Variants in STAG1 observed in about 807,000 individuals in gnomAD.
STAG1 encodes cohesin subunit SA-1.
STAG1 carries 26 observed loss-of-function variants against 170.9 expected under a neutral mutation model. The observed-to-expected ratio is 0.15, with a 90% CI of 0.11 to 0.21. STAG1 has a LOEUF of 0.21. STAG1 is among the 10% of genes least tolerant of loss of function. The probability of loss-of-function intolerance (pLI) is 1.00; values close to 1 mark genes in which losing one functional copy is unlikely to be tolerated. For synonymous variants in STAG1, 514 were observed against 497.7 expected (o/e 1.03, Z -0.44); for missense variants, 964 against 1,509.5 (o/e 0.64, Z 5.99).
At chr3:136,705,663 T>C (rs1435118302) in intron 1 of STAG1, among the ~76,000 whole-genome samples, 1 of 152,146 alleles carries the variant, frequency 6.6e-6, no homozygotes, top group Admixed American at 6.5e-5. Flanking sequence ...GCACATGCTC[T>C]CTTTGCCTAT....
At chr3:136,397,996 G>C (rs1429426843) in intron 22 of STAG1, among the ~76,000 whole-genome samples, 1 of 151,974 alleles carries the variant, frequency 6.6e-6, no homozygotes, top group Non-Finnish European at 1.5e-5. Flanking sequence ...GCCCAGGCTG[G>C]AGTACAATGG....
chr3:136,663,017 C>T (rs1331406847), intron 1 of STAG1, among the ~76,000 whole-genome samples: 2 of 151,978 alleles, frequency 1.3e-5, no homozygotes, highest in Non-Finnish European at 2.9e-5. Flanking sequence ...CATCACTGCA[C>T]TTCCAGTCTG....
At chr3:136,487,279 T>A (rs2090036914) in intron 9 of STAG1, among the ~76,000 whole-genome samples, 1 of 152,182 alleles carries the variant, frequency 6.6e-6, no homozygotes, top group Non-Finnish European at 1.5e-5. Flanking sequence ...GGCTTCCAGC[T>A]TCATCCATGT....
At chr3:136,370,385 G>A (rs1937266712) in intron 23 of STAG1, among the ~76,000 whole-genome samples, 1 of 151,974 alleles carries the variant, frequency 6.6e-6, no homozygotes, top group Admixed American at 6.6e-5. Flanking sequence ...TATACTTTAA[G>A]TTTTAGGGTA....
rs533687990 is a variant in STAG1 at position 136,466,300 on chromosome 3, G to A, written c.1206-1312C>T. On this transcript the variant is annotated intron_variant, in intron 12 of 33. Coordinates refer to ENST00000383202, the MANE Select transcript of STAG1 (RefSeq NM_005862.3). ...TAACTAGAATAACCAGCGTAGAGAA[G>A]TCCTTAAATGACCTGATGGAGCTGA... Among the ~76,000 whole-genome samples the A allele has an allele frequency of 5.3e-5, 8 of 152,306 alleles. No individual in the cohort carries two copies. The South Asian group carries it at 1.7e-3, about 32-fold the overall frequency.
At chr3:136,350,481 C>T (rs1251971875) in intron 28 of STAG1, among the ~76,000 whole-genome samples, 1 of 152,184 alleles carries the variant, frequency 6.6e-6, no homozygotes, top group Non-Finnish European at 1.5e-5. Context: ...CTGGGCACAG[C>T]AGGCTGAGAA....
chr3:136,566,737 A>T (rs1350386426), intron 5 of STAG1, among the ~76,000 whole-genome samples: 1 of 152,208 alleles, frequency 6.6e-6, no homozygotes, highest in Non-Finnish European at 1.5e-5. Flanking sequence ...ATAATAACAA[A>T]TGCATTTACC....
At position 136,430,806 on chromosome 3, in the gene STAG1, G is replaced by GACACACACACAC. The variant is rs35492621; in HGVS notation, c.1650+2738_1650+2749dup. On this transcript the variant is annotated intron_variant, in intron 16 of 33. Coordinates refer to ENST00000383202, the MANE Select transcript of STAG1 (RefSeq NM_005862.3). Reference sequence around the variant, plus strand: ...TAAGAGAAGGAAACAGACATAGACAGACACACACACACACACACACACACA... The same window carrying GACACACACACAC: ...TAAGAGAAGGAAACAGACATAGACAGACACACACACACACACACACACACACACACACACACA... 4.9e-3 allele frequency among the ~76,000 whole-genome samples: 642 copies of GACACACACACAC among 131,132 alleles called. 4 individuals carry two copies. The highest frequency in any genetic ancestry group is 7.7e-3 in the East Asian group (32 of 4,148). The allele number at this position is 131,132 out of a possible 152,430, so 86.0% of individuals were successfully genotyped here.
chr3:136,634,382 A>C (rs1940465686), intron 1 of STAG1, among the ~76,000 whole-genome samples: 1 of 151,904 alleles, frequency 6.6e-6, no homozygotes, highest in Admixed American at 6.6e-5. Context: ...ACAAAAAAAA[A>C]ACCAGGGCAC....
chr3:136,410,060 T>G (rs1576438126), intron 21 of STAG1, among the ~76,000 whole-genome samples: 7 of 106,666 alleles, frequency 6.6e-5, no homozygotes, highest in African/African-American at 7.9e-5. Context: ...ACAGGGAAAG[T>G]CCTTGTCTAA....
chr3:136,566,293 T>C (rs1392431202), intron 5 of STAG1, among the ~76,000 whole-genome samples: 1 of 152,188 alleles, frequency 6.6e-6, no homozygotes, highest in Non-Finnish European at 1.5e-5. Context: ...ACCCTCTTTT[T>C]GCCATGTAAG....
intron 4 of STAG1, among the ~76,000 whole-genome samples, chr3:136,600,960 G>A (rs1235225381): frequency 6.6e-6 from 1 of 152,006 alleles, no homozygotes; most frequent in Non-Finnish European, 1.5e-5. Context: ...GCGCAATCTT[G>A]GCTCACTGCG....
At position 136,587,433 on chromosome 3, in the gene STAG1, G is replaced by C. The variant is rs143812596; in HGVS notation, c.297+16876C>G. On this transcript the variant is annotated intron_variant, in intron 4 of 33. Coordinates refer to ENST00000383202, the MANE Select transcript of STAG1 (RefSeq NM_005862.3). Reference sequence around the variant, plus strand: ...TAGGCATCTGTAATCCCAGCTACTCGGGAGGCTGAGGCAGGAGAATCGCTT... The same window carrying C: ...TAGGCATCTGTAATCCCAGCTACTCCGGAGGCTGAGGCAGGAGAATCGCTT... Among the ~76,000 whole-genome samples, 445 of 151,398 alleles carry C rather than the reference G, an allele frequency of 2.9e-3. 2 individuals are homozygous for C. Among genetic ancestry groups the C allele is most frequent in the Admixed American group, 5.0e-3 (76 of 15,192 alleles).
intron 15 of STAG1, among the ~76,000 whole-genome samples, chr3:136,439,389 G>GAC (rs753912835): frequency 0.16 from 15,645 of 95,710 alleles, 1,119 homozygotes; most frequent in East Asian, 0.28. Context: ...AACACCCCCC[G>GAC]ACACACACAC....
chr3:136,531,967 G>C (rs1935398848), intron 6 of STAG1, among the ~76,000 whole-genome samples: 1 of 150,340 alleles, frequency 6.7e-6, no homozygotes, highest in African/African-American at 2.4e-5. Context: ...ATGCACCTCA[G>C]GAACTAGAGT....
chr3:136,418,400 A>C (rs13095625), intron 20 of STAG1, among the ~76,000 whole-genome samples: 2 of 110,712 alleles, frequency 1.8e-5, no homozygotes, highest in Non-Finnish European at 3.8e-5. Flanking sequence ...AAAAAAAAAA[A>C]GGTTTTTTTC....
chr3:136,743,384 T>A lies in STAG1; in HGVS notation c.-84+8811A>T, dbSNP rs1040738544. 1.0e-3 allele frequency among the ~76,000 whole-genome samples: 150 copies of A among 144,952 alleles called. 1 individual carries two copies. The highest frequency in any genetic ancestry group is 3.6e-3 in the African/African-American group (138 of 38,770). The stretch of plus-strand genomic sequence containing the variant: ...ACTCCTTCTCAAAAAAAAAAAATAA[T>A]AATAACAATACCAGAAATTAAAGAA... On this transcript the variant is annotated intron_variant, in intron 1 of 33. Coordinates refer to ENST00000383202, the MANE Select transcript of STAG1 (RefSeq NM_005862.3).
intron 5 of STAG1, among the ~76,000 whole-genome samples, chr3:136,548,587 A>G (rs1359647492): frequency 4.6e-5 from 7 of 152,196 alleles, no homozygotes; most frequent in Admixed American, 2.6e-4. Flanking sequence ...TTTGATAGAA[A>G]TTTCACTGAA....
chr3:136,422,295 G>A (rs2087982083), intron 19 of STAG1, 115 bp downstream of exon 19: 1 of 919,310 alleles, frequency 1.1e-6, no homozygotes. Context: ...AGTTTTGGAA[G>A]GGGCAGACAA....
Sources: allele counts gnomAD v4.1 joint callset (sites outside exome capture counted in the v4.1 genomes callset), GRCh38; gene constraint gnomAD v4.1.1; transcripts MANE v1.5; gene names NCBI Gene and HGNC (gene_info 2026-07-23, HGNC 2026-07-21).